CFAP54: variants seen among roughly 807,000 people sequenced by gnomAD.
CFAP54 encodes cilia- and flagella-associated protein 54.
A neutral mutation model predicts 370.4 loss-of-function variants in CFAP54; 290 were observed. The ratio of observed to expected loss-of-function variants is 0.78; its 90% confidence interval spans 0.71 to 0.86. The LOEUF (loss-of-function observed/expected upper bound fraction) is 0.86, where lower values mean the gene tolerates loss of function less well. CFAP54 is among the 40% of genes least tolerant of loss of function. The pLI, the probability that CFAP54 is intolerant of heterozygous loss-of-function variation, is 0.00. For missense variants in CFAP54, 3,399 were observed against 3,528.7 expected, an observed-to-expected ratio of 0.96 and a Z score of 0.93; for synonymous variants, 1,206 against 1,236.5, an observed-to-expected ratio of 0.98 and a Z score of 0.52.
At chr12:96,797,406 T>C (rs1392365788) in intron 63 of CFAP54, among the ~76,000 whole-genome samples, 1 of 152,114 alleles carries the variant, frequency 6.6e-6, no homozygotes, top group Non-Finnish European at 1.5e-5. Flanking sequence ...TTTAAAAAAT[T>C]AATTACTAAG....
chr12:96,703,710 A>AT (rs1184604490), intron 46 of CFAP54, among the ~76,000 whole-genome samples: 1 of 152,194 alleles, frequency 6.6e-6, no homozygotes, highest in East Asian at 1.9e-4. Flanking sequence ...TAGCAATACA[A>AT]TTTTATCTCA....
At chr12:96,826,964 A>C (rs1959122061) in intron 65 of CFAP54, among the ~76,000 whole-genome samples, 1 of 129,692 alleles carries the variant, frequency 7.7e-6, no homozygotes, top group Non-Finnish European at 1.5e-5. Flanking sequence ...TATAATATGC[A>C]ATTATATATG....
At chr12:96,695,068 A>G (rs553704214) in intron 45 of CFAP54, among the ~76,000 whole-genome samples, 1 of 152,114 alleles carries the variant, frequency 6.6e-6, no homozygotes, top group African/African-American at 2.4e-5. Context: ...CAAAAGTTTC[A>G]TTTGTGGCAT....
Position 96,589,464 on chromosome 12 carries a change from A to G in CFAP54, c.3113A>G (p.Lys1038Arg). 6.5e-7 allele frequency: 1 copy of G among 1,532,774 alleles called. No individual in the cohort carries two copies. Among genetic ancestry groups the G allele is most frequent in the Non-Finnish European group, 8.7e-7 (1 of 1,144,074 alleles). The allele number at this position is 1,532,774 out of a possible 1,614,324, so 94.9% of individuals were successfully genotyped here. A position where few individuals can be genotyped will look rare whatever the true frequency, so the allele number is the denominator to read the frequency against. The part of the protein sequence containing the change: ...YQVGNYELAK[K>R]VFSPVWDYFV... ...GTTGGTAACTATGAATTGGCTAAGA[A>G]AGTTTTCTCACCAGTTTGGGATTAT... Residue 1038 changes from lysine (K) to arginine (R), a missense_variant, in exon 23 of 68, where the codon AAA (lysine) becomes AGA (arginine). Lys to Arg is a conservative substitution (Grantham distance 26, BLOSUM62 2). Around this residue, in one of 3 missense-constraint regions of CFAP54, gnomAD observed 2,796 missense variants for 2,869.7 expected, o/e 0.97. Transcript: ENST00000524981.
At chr12:96,778,390 T>C (rs11108694) in intron 60 of CFAP54, among the ~76,000 whole-genome samples, 49,635 of 152,106 alleles carry the variant, frequency 0.33, 9,210 homozygotes, top group East Asian at 0.44. Flanking sequence ...AGGTTTATAA[T>C]TTTAAAATCT....
chr12:96,668,764 G>T (rs1352863130), intron 39 of CFAP54, among the ~76,000 whole-genome samples: 1 of 152,234 alleles, frequency 6.6e-6, no homozygotes, highest in African/African-American at 2.4e-5. Flanking sequence ...TTTTTCATGT[G>T]TCTCTGTTTC....
rs551978914 is a variant in CFAP54, at chr12:96,535,857, T to G, written c.1791+257T>G. On this transcript the variant is annotated intron_variant, in intron 12 of 67. Coordinates refer to ENST00000524981, the MANE Select transcript of CFAP54 (RefSeq NM_001306084.2). ...ATAATGAAGGAAATGAGGCAGTGGT[T>G]TTTAGGAAGAGTTAATATGTTTAAT... Among the ~76,000 whole-genome samples, 18 of 152,270 alleles carry G rather than the reference T, an allele frequency of 1.2e-4. No homozygotes were observed. The South Asian group carries it at 3.7e-3, about 32-fold the overall frequency.
At chr12:96,647,500 A>AAAAAAAAAC (rs1565927578) in intron 33 of CFAP54, among the ~76,000 whole-genome samples, 32 of 145,216 alleles carry the variant, frequency 2.2e-4, no homozygotes, top group East Asian at 8.9e-4. Context: ...AAAAAAAGAA[A>AAAAAAAAAC]TGCCATTGAT....
chr12:96,743,924 TG>T lies in CFAP54; in HGVS notation c.7557+15del. 6.2e-7 allele frequency: 1 copy of T among 1,607,332 alleles called. No individual in the cohort carries two copies. Among genetic ancestry groups the T allele is most frequent in the East Asian group, 2.2e-5 (1 of 44,804 alleles). ...CTAACTGAACAGGTGAGAATGCTTT[TG>T]TGTCTGCGAGACATAGAAACTTACT... On this transcript the variant is annotated intron_variant, in intron 54 of 67. Coordinates refer to ENST00000524981, the MANE Select transcript of CFAP54 (RefSeq NM_001306084.2).
chr12:96,808,610 CTCTTA>C (rs2136723276), intron 63 of CFAP54, among the ~76,000 whole-genome samples: 1 of 152,218 alleles, frequency 6.6e-6, no homozygotes, highest in Admixed American at 6.5e-5. Context: ...TCAAGCTGCT[CTCTTA>C]TCTGAGGAGG....
intron 67 of CFAP54, among the ~76,000 whole-genome samples, chr12:96,861,154 A>G (rs1340034070): frequency 6.6e-6 from 1 of 152,232 alleles, no homozygotes; most frequent in East Asian, 1.9e-4. Flanking sequence ...TTACAGAGCT[A>G]TTCATAGAAA....
intron 6 of CFAP54, 32 bp downstream of exon 6, chr12:96,519,103 T>G (rs1158062228): frequency 1.5e-6 from 1 of 677,592 alleles, no homozygotes; most frequent in Non-Finnish European, 2.1e-6. Context: ...AGGAGTCGAG[T>G]TTTTTTTTTT....
chr12:96,517,001 GT>G (rs35848079), intron 5 of CFAP54, among the ~76,000 whole-genome samples: 2,633 of 138,644 alleles, frequency 0.019, 42 homozygotes, highest in African/African-American at 0.043. Flanking sequence ...ACTTTTTAAA[GT>G]TTTTTTTTTT....
intron 26 of CFAP54, among the ~76,000 whole-genome samples, chr12:96,609,944 G>A (rs920218371): frequency 1.3e-5 from 2 of 152,250 alleles, no homozygotes; most frequent in Admixed American, 6.5e-5. Context: ...TATTGTCACA[G>A]AAGTGCAGAT....
chr12:96,858,749 C>G (rs2136461080), intron 66 of CFAP54, among the ~76,000 whole-genome samples: 1 of 152,218 alleles, frequency 6.6e-6, no homozygotes, highest in South Asian at 2.1e-4. Context: ...AGGGAAGACA[C>G]AAACAAATGG....
intron 20 of CFAP54, among the ~76,000 whole-genome samples, chr12:96,578,800 A>T (rs1956005139): frequency 6.6e-6 from 1 of 152,176 alleles, no homozygotes; most frequent in Non-Finnish European, 1.5e-5. Flanking sequence ...TCTCTTGTTG[A>T]GGCATTCATT....
intron 61 of CFAP54, among the ~76,000 whole-genome samples, chr12:96,785,115 G>C (rs1411071933): frequency 6.6e-6 from 1 of 152,142 alleles, no homozygotes; most frequent in African/African-American, 2.4e-5. Context: ...TATTTCATAT[G>C]TTTAAAAACA....
chr12:96,617,206 A>C (rs1032503777), intron 26 of CFAP54, among the ~76,000 whole-genome samples: 1 of 152,190 alleles, frequency 6.6e-6, no homozygotes, highest in African/African-American at 2.4e-5. Flanking sequence ...AACAGATTGA[A>C]TTTTGGAGTC....
Position 96,664,729 on chromosome 12 carries a change from A to C in CFAP54, c.5563+797A>C, listed in dbSNP as rs55811504. On this transcript the variant is annotated intron_variant, in intron 39 of 67. Coordinates refer to ENST00000524981, the MANE Select transcript of CFAP54 (RefSeq NM_001306084.2). ...TATATATATATCTATATATATCTAT[A>C]TATATATATCTATATATATATATAT... Among the ~76,000 whole-genome samples, 129 of 13,154 alleles carry C rather than the reference A, an allele frequency of 9.8e-3. 16 individuals are homozygous for C. The highest frequency in any genetic ancestry group is 0.016 in the East Asian group (6 of 386). The allele number at this position is 13,154 out of a possible 152,430, so 8.6% of individuals were successfully genotyped here.
Sources: allele counts gnomAD v4.1 joint callset (sites outside exome capture counted in the v4.1 genomes callset), GRCh38; gene constraint gnomAD v4.1.1; regional missense constraint gnomAD v4.1.1; transcripts MANE v1.5; gene names NCBI Gene and HGNC (gene_info 2026-07-23, HGNC 2026-07-21).